MCTP1: variants seen among roughly 807,000 people sequenced by gnomAD.
The protein encoded by MCTP1 is multiple C2 and transmembrane domain containing 1.
In MCTP1, 69 loss-of-function variants were observed where a neutral mutation model predicts 120.6. That is an observed-to-expected ratio of 0.57 (90% confidence interval 0.47 to 0.70). The LOEUF (loss-of-function observed/expected upper bound fraction) is 0.70, where lower values mean the gene tolerates loss of function less well. Ranked by LOEUF, MCTP1 falls within the 30% of genes least tolerant of loss-of-function variation. The pLI is 0.00. For missense variants in MCTP1, 1,203 were observed against 1,248.8 expected, an observed-to-expected ratio of 0.96 and a Z score of 0.55; for synonymous variants, 529 against 493.1, an observed-to-expected ratio of 1.07 and a Z score of -0.96.
At chr5:95,201,610 T>C (rs964119590) in intron 1 of MCTP1, among the ~76,000 whole-genome samples, 1 of 150,476 alleles carries the variant, frequency 6.6e-6, no homozygotes, top group African/African-American at 2.4e-5. Context: ...GTTCAGGCAA[T>C]TCTCCTGCCT....
intron 2 of MCTP1, among the ~76,000 whole-genome samples, chr5:94,977,347 T>A (rs1414806343): frequency 6.6e-6 from 1 of 152,062 alleles, no homozygotes; most frequent in Non-Finnish European, 1.5e-5. Flanking sequence ...AAAAGTCATC[T>A]TGTGTTCATG....
In MCTP1 at chr5:94,706,070, C is replaced by G. The variant is rs903528636; in HGVS notation, c.*1426G>C. 1 of 151,594 alleles carries G rather than the reference C, an allele frequency of 6.6e-6. No individual in the cohort carries two copies. The highest frequency in any genetic ancestry group is 6.6e-5 in the Admixed American group (1 of 15,192). 9.4% of individuals were successfully genotyped at this position (151,594 alleles called of 1,614,324 possible). A position where few individuals can be genotyped will look rare whatever the true frequency, so the allele number is the denominator to read the frequency against. ...GAGATTACATTTATTGTTAAAGAAT[C>G]TTCCTTTAGAGTGAAATATACATTT... On this transcript the variant is annotated 3_prime_UTR_variant, in exon 23 of 23. Transcript: ENST00000515393.
chr5:94,878,047 A>G (rs1338017158), intron 12 of MCTP1, among the ~76,000 whole-genome samples: 1 of 152,162 alleles, frequency 6.6e-6, no homozygotes, highest in Non-Finnish European at 1.5e-5. Context: ...TTTTGGGCCT[A>G]CCTTGTACAA....
At chr5:94,957,967 A>T (rs989118323) in intron 2 of MCTP1, among the ~76,000 whole-genome samples, 1 of 152,222 alleles carries the variant, frequency 6.6e-6, no homozygotes, top group African/African-American at 2.4e-5. Context: ...TAGAATATAC[A>T]TTCTTCTCAG....
At chr5:95,116,006 A>C (rs1757801294) in intron 1 of MCTP1, among the ~76,000 whole-genome samples, 2 of 152,028 alleles carry the variant, frequency 1.3e-5, no homozygotes, top group Admixed American at 6.5e-5. Flanking sequence ...AAAAAAAAAA[A>C]CTTTTACTCC....
rs774707090 is a variant in MCTP1, at chr5:95,284,291, CGAG to C, written c.282_284del (p.Ser95del). ...GCGACGAGCAGCACAGGTTGGGCTG[CGAG>C]GAGGAGAAGACTCGGTCCAGCACTT... On this transcript the variant is annotated inframe_deletion, in exon 1 of 23. Coordinates refer to ENST00000515393, the MANE Select transcript of MCTP1 (RefSeq NM_024717.7). This position sits in a 1 kb window ranked among gnomAD's most constrained non-coding sequence, Gnocchi z 5.2. The C allele has an allele frequency of 1.6e-5, 25 of 1,596,578 alleles. No individual in the cohort carries two copies. Among genetic ancestry groups the C allele is most frequent in the Admixed American group, 5.0e-5 (3 of 59,910 alleles).
chr5:95,199,754 G>A (rs892980158), intron 1 of MCTP1, among the ~76,000 whole-genome samples: 1 of 151,994 alleles, frequency 6.6e-6, no homozygotes, highest in South Asian at 2.1e-4. Flanking sequence ...AGCTACTCAG[G>A]AGGCTGGGGC....
chr5:95,219,381 CAA>C (rs11414984), intron 1 of MCTP1, among the ~76,000 whole-genome samples: 22 of 85,928 alleles, frequency 2.6e-4, no homozygotes, highest in Admixed American at 1.2e-3. Context: ...GACTCCATCT[CAA>C]AAAAAAAAAA....
intron 17 of MCTP1, among the ~76,000 whole-genome samples, chr5:94,865,888 T>G (rs1796708012): frequency 6.6e-6 from 1 of 151,934 alleles, no homozygotes; most frequent in African/African-American, 2.4e-5. Context: ...AATATGAAAT[T>G]CGCTAATGCA....
At chr5:95,175,965 T>C (rs1747923725) in intron 1 of MCTP1, among the ~76,000 whole-genome samples, 1 of 152,174 alleles carries the variant, frequency 6.6e-6, no homozygotes, top group Non-Finnish European at 1.5e-5. Flanking sequence ...CAGGATAAGA[T>C]GGACAAAACG....
In MCTP1 at chr5:94,999,101, C is replaced by T. The variant is rs147207893; in HGVS notation, c.838+18266G>A. Among the ~76,000 whole-genome samples the T allele has an allele frequency of 7.3e-3, 1,111 of 152,316 alleles. 11 individuals carry two copies. The highest frequency in any genetic ancestry group is 0.026 in the African/African-American group (1,078 of 41,582). On this transcript the variant is annotated intron_variant, in intron 2 of 22. Transcript: ENST00000515393. ...TAAAGTATTGTTACTTTGGTTAATA[C>T]ATACTTTGTATACTTTATATTATCC... is the stretch of plus-strand genomic sequence containing the variant.
intron 17 of MCTP1, among the ~76,000 whole-genome samples, chr5:94,821,003 C>G (rs1785515449): frequency 6.6e-6 from 1 of 152,106 alleles, no homozygotes; most frequent in Non-Finnish European, 1.5e-5. Context: ...GGAAACACTC[C>G]CAGCACTGTC....
intron 1 of MCTP1, among the ~76,000 whole-genome samples, chr5:95,049,240 G>T (rs940334823): frequency 2.6e-5 from 4 of 152,020 alleles, no homozygotes; most frequent in African/African-American, 4.8e-5. Flanking sequence ...TCTGGGTTTC[G>T]CACTTCCCGT....
intron 1 of MCTP1, among the ~76,000 whole-genome samples, chr5:95,061,925 G>A (rs1251310983): frequency 6.6e-6 from 1 of 152,146 alleles, no homozygotes; most frequent in Non-Finnish European, 1.5e-5. Context: ...ACAAGTGAAG[G>A]GTTAGGGCCT....
chr5:94,940,235 T>C, intron 4 of MCTP1, 40 bp from the exon 5 acceptor site: 1 of 1,133,668 alleles, frequency 8.8e-7, no homozygotes. Flanking sequence ...AGTCATTAAA[T>C]GAATAAGCCA....
chr5:94,893,103 C>T (rs534579665), intron 11 of MCTP1, among the ~76,000 whole-genome samples: 41 of 152,038 alleles, frequency 2.7e-4, no homozygotes, highest in Non-Finnish European at 4.1e-4. Flanking sequence ...GTCAAACATC[C>T]GCATAATATT....
At chr5:94,785,783 A>G (rs1777546625) in intron 18 of MCTP1, among the ~76,000 whole-genome samples, 1 of 152,222 alleles carries the variant, frequency 6.6e-6, no homozygotes, top group African/African-American at 2.4e-5. Context: ...GGTACACATT[A>G]TTTAAAAAAA....
intron 1 of MCTP1, among the ~76,000 whole-genome samples, chr5:95,056,665 T>C (rs1747462305): frequency 1.3e-5 from 2 of 152,234 alleles, no homozygotes; most frequent in African/African-American, 4.8e-5. Flanking sequence ...TATTTCTGCA[T>C]TGTTTGTGGA....
At chr5:94,729,019 A>G (rs1687513754) in intron 19 of MCTP1, among the ~76,000 whole-genome samples, 2 of 152,256 alleles carry the variant, frequency 1.3e-5, no homozygotes, top group African/African-American at 4.8e-5. Context: ...AAACAAACAA[A>G]AACAGCAGAT....
Sources: allele counts gnomAD v4.1 joint callset (sites outside exome capture counted in the v4.1 genomes callset), GRCh38; gene constraint gnomAD v4.1.1; non-coding constraint Gnocchi (gnomAD v3.1); transcripts MANE v1.5; gene names NCBI Gene and HGNC (gene_info 2026-07-23, HGNC 2026-07-21).